ENOX2: variants seen among roughly 807,000 people sequenced by gnomAD.
ENOX2 encodes the protein APK1 antigen.
A neutral mutation model predicts 45.0 loss-of-function variants in ENOX2; 36 were observed. That is an observed-to-expected ratio of 0.80 (90% CI 0.61 to 1.06). The LOEUF (loss-of-function observed/expected upper bound fraction) is 1.06. ENOX2 is among the 50% of genes least tolerant of loss of function. The pLI is 0.00. For synonymous variants in ENOX2, 174 were observed against 152.3 expected, an observed-to-expected ratio of 1.14 and a Z score of -1.05; for missense variants, 423 against 462.5, an observed-to-expected ratio of 0.91 and a Z score of 0.78.
At chrX:130,840,487 T>A (rs1214278083) in intron 2 of ENOX2, among the ~76,000 whole-genome samples, 1 of 107,907 alleles carries the variant, frequency 9.3e-6, no homozygotes, top group Non-Finnish European at 1.9e-5. Context: ...ACCAACTCAA[T>A]GCACACTTAT....
chrX:130,692,533 C>T (rs758275873), intron 4 of ENOX2, among the ~76,000 whole-genome samples: 6 of 111,570 alleles, frequency 5.4e-5, no homozygotes, highest in African/African-American at 1.9e-4. Flanking sequence ...CTTGGCATGG[C>T]CATTGCTGAA....
At chrX:130,704,403 C>T (rs925802118) in intron 3 of ENOX2, among the ~76,000 whole-genome samples, 10 of 111,688 alleles carry the variant, frequency 9.0e-5, no homozygotes, top group South Asian at 7.7e-4. Flanking sequence ...AACATTGAAA[C>T]GGGTTTTATA....
chrX:130,684,331 T>C (rs1349051979), intron 5 of ENOX2, among the ~76,000 whole-genome samples: 1 of 112,100 alleles, frequency 8.9e-6, no homozygotes, highest in Non-Finnish European at 1.9e-5. Flanking sequence ...ATCCCACAGC[T>C]AGTTAGTGAC....
chrX:130,695,709 A>G, intron 4 of ENOX2, among the ~76,000 whole-genome samples: 1 of 112,209 alleles, frequency 8.9e-6, no homozygotes, highest in East Asian at 2.8e-4. Flanking sequence ...CTGAGACATT[A>G]TTGTTATTTC....
intron 3 of ENOX2, among the ~76,000 whole-genome samples, chrX:130,707,064 A>G (rs1222195050): frequency 8.9e-6 from 1 of 112,649 alleles, no homozygotes; most frequent in East Asian, 2.8e-4. Context: ...GGAAAAGTTA[A>G]GTTCTGGCCT....
At chrX:130,840,019 G>A (rs1176505344) in intron 2 of ENOX2, among the ~76,000 whole-genome samples, 1 of 111,246 alleles carries the variant, frequency 9.0e-6, no homozygotes, top group Non-Finnish European at 1.9e-5. Context: ...TCAGAAAACA[G>A]TCTATATTTC....
chrX:130,885,658 G>C (rs1318398324), intron 2 of ENOX2, among the ~76,000 whole-genome samples: 1 of 112,055 alleles, frequency 8.9e-6, no homozygotes, highest in South Asian at 3.7e-4. Flanking sequence ...CTGGCAAGGA[G>C]ATAATGTCGT....
chrX:130,701,135 C>T (rs972851162), intron 4 of ENOX2, among the ~76,000 whole-genome samples: 8 of 111,440 alleles, frequency 7.2e-5, no homozygotes, highest in Admixed American at 2.9e-4. Context: ...TGCTTATATA[C>T]GATAACTTAC....
intron 2 of ENOX2, among the ~76,000 whole-genome samples, chrX:130,787,091 C>A (rs2076982483): frequency 9.7e-6 from 1 of 103,598 alleles, no homozygotes. Flanking sequence ...TTAATGATTG[C>A]CATTCTAACT....
At chrX:130,768,910 G>A (rs976675076) in intron 3 of ENOX2, among the ~76,000 whole-genome samples, 4 of 111,490 alleles carry the variant, frequency 3.6e-5, no homozygotes, top group Admixed American at 9.6e-5. Flanking sequence ...TTGGATGGGA[G>A]TGACAGGGTA....
At chrX:130,672,661 C>G (rs180751552) in intron 6 of ENOX2, among the ~76,000 whole-genome samples, 1 of 112,491 alleles carries the variant, frequency 8.9e-6, no homozygotes, top group Admixed American at 9.3e-5. Context: ...CCCAAAGTCA[C>G]TCCTTTCAGC....
chrX:130,710,648 G>A (rs910649110), intron 3 of ENOX2, among the ~76,000 whole-genome samples: 11 of 111,773 alleles, frequency 9.8e-5, no homozygotes, highest in Non-Finnish European at 1.5e-4. Flanking sequence ...ACTGGAGAAC[G>A]CCTTATACCC....
chrX:130,755,038 T>G (rs1471531754), intron 3 of ENOX2, among the ~76,000 whole-genome samples: 1 of 112,143 alleles, frequency 8.9e-6, no homozygotes, highest in Non-Finnish European at 1.9e-5. Context: ...CTGAACAGAT[T>G]GTTTTTGAAA....
At chrX:130,744,928 C>A (rs1047340669) in intron 3 of ENOX2, among the ~76,000 whole-genome samples, 1 of 111,081 alleles carries the variant, frequency 9.0e-6, no homozygotes, top group Non-Finnish European at 1.9e-5. Context: ...GCAGTGCGAA[C>A]CCTATTGTGA....
At chrX:130,765,104 TGAATTTGTA>T (rs2039586363) in intron 3 of ENOX2, among the ~76,000 whole-genome samples, 4 of 111,544 alleles carry the variant, frequency 3.6e-5, no homozygotes, top group Admixed American at 1.9e-4. Context: ...ACATACTTTA[TGAATTTGTA>T]TTTATTTTAG....
intron 2 of ENOX2, among the ~76,000 whole-genome samples, chrX:130,888,890 A>G (rs191172363): frequency 3.4e-4 from 38 of 111,748 alleles, no homozygotes; most frequent in African/African-American, 1.2e-3. Context: ...ATTTTTCTTC[A>G]TATGGTCTAG....
chrX:130,636,245 A>C (rs983421219), intron 11 of ENOX2, among the ~76,000 whole-genome samples: 3 of 112,545 alleles, frequency 2.7e-5, no homozygotes, highest in African/African-American at 9.7e-5. Flanking sequence ...ATTACTTCAC[A>C]CATTTTGTTA....
At chrX:130,662,010 T>C (rs1213502975) in intron 9 of ENOX2, among the ~76,000 whole-genome samples, 3 of 111,712 alleles carry the variant, frequency 2.7e-5, no homozygotes, top group African/African-American at 6.5e-5. Context: ...TATCAAAGCT[T>C]TAGCTTTGAA....
At chrX:130,785,564 T>C (rs755021511) in intron 2 of ENOX2, among the ~76,000 whole-genome samples, 1 of 111,216 alleles carries the variant, frequency 9.0e-6, no homozygotes. Flanking sequence ...CTGCATCATA[T>C]ACATGTTCTA....
Sources: allele counts gnomAD v4.1 joint callset (sites outside exome capture counted in the v4.1 genomes callset), GRCh38; gene constraint gnomAD v4.1.1; transcripts MANE v1.5; gene names NCBI Gene and HGNC (gene_info 2026-07-23, HGNC 2026-07-21).